Variants in DCC observed in about 807,000 individuals in gnomAD.
DCC encodes DCC netrin 1 receptor, also known as netrin receptor DCC.
In DCC, 58 loss-of-function variants were observed where a neutral mutation model predicts 172.5. The observed-to-expected ratio is 0.34, with a 90% CI of 0.27 to 0.42. The LOEUF (loss-of-function observed/expected upper bound fraction) is 0.42. Ranked by LOEUF, DCC falls within the 10% of genes least tolerant of loss-of-function variation. The pLI, the probability that DCC is intolerant of heterozygous loss-of-function variation, is 1.00. For synonymous variants in DCC, 709 were observed against 644.5 expected, an observed-to-expected ratio of 1.10 and a Z score of -1.52; for missense variants, 1,740 against 1,791.0, an observed-to-expected ratio of 0.97 and a Z score of 0.51.
chr18:52,505,929 A>G (rs1378137), intron 1 of DCC, among the ~76,000 whole-genome samples: 9,944 of 152,254 alleles, frequency 0.065, 380 homozygotes, highest in Middle Eastern at 0.11. Flanking sequence ...AAGGTCGTTT[A>G]TAAAAATCTG....
At chr18:52,448,962 G>A (rs1473187713) in intron 1 of DCC, among the ~76,000 whole-genome samples, 1 of 152,206 alleles carries the variant, frequency 6.6e-6, no homozygotes, top group Non-Finnish European at 1.5e-5. Context: ...TCATTCTCAT[G>A]CTGCTGATAA....
intron 1 of DCC, among the ~76,000 whole-genome samples, chr18:52,453,739 C>T (rs1428250178): frequency 5.3e-5 from 8 of 152,076 alleles, no homozygotes; most frequent in Admixed American, 5.2e-4. Flanking sequence ...TTTTTTTCCT[C>T]TAACATCTTG....
intron 1 of DCC, among the ~76,000 whole-genome samples, chr18:52,447,842 A>G (rs554735332): frequency 6.6e-6 from 1 of 152,262 alleles, no homozygotes; most frequent in Non-Finnish European, 1.5e-5. Context: ...TTGAGAGGAT[A>G]GTACCAAGGG....
intron 27 of DCC, among the ~76,000 whole-genome samples, chr18:53,508,085 G>C: frequency 6.6e-6 from 1 of 151,922 alleles, no homozygotes; most frequent in East Asian, 1.9e-4. Context: ...AGTAGAGACG[G>C]GGTTTCACCG....
intron 12 of DCC, among the ~76,000 whole-genome samples, chr18:53,296,054 A>G (rs2057063497): frequency 6.6e-6 from 1 of 152,198 alleles, no homozygotes; most frequent in Admixed American, 6.5e-5. Context: ...AGAAGTTACA[A>G]AAGTGTTGCT....
intron 7 of DCC, among the ~76,000 whole-genome samples, chr18:53,097,557 T>A (rs183146232): frequency 2.2e-3 from 337 of 152,284 alleles, no homozygotes; most frequent in Admixed American, 4.3e-3. Context: ...CATATTTGAT[T>A]TTCATACATC....
intron 2 of DCC, among the ~76,000 whole-genome samples, chr18:52,813,618 C>A (rs887299378): frequency 6.6e-6 from 1 of 152,136 alleles, no homozygotes; most frequent in Non-Finnish European, 1.5e-5. Flanking sequence ...ACACAGTGTG[C>A]CCAGATATTT....
At chr18:53,177,732 C>G (rs2055128963) in intron 8 of DCC, among the ~76,000 whole-genome samples, 1 of 152,128 alleles carries the variant, frequency 6.6e-6, no homozygotes, top group African/African-American at 2.4e-5. Flanking sequence ...ATCACATACA[C>G]TCAACCTCTT....
chr18:52,402,352 T>C (rs1032054201), intron 1 of DCC, among the ~76,000 whole-genome samples: 5 of 152,020 alleles, frequency 3.3e-5, no homozygotes, highest in African/African-American at 1.2e-4. Flanking sequence ...GAGTAAGTAA[T>C]GTGTAGACAT....
At chr18:53,139,574 C>T (rs2043799921) in intron 7 of DCC, among the ~76,000 whole-genome samples, 2 of 152,088 alleles carry the variant, frequency 1.3e-5, no homozygotes, top group African/African-American at 2.4e-5. Flanking sequence ...TGTGCACCTG[C>T]TATGAGTCAG....
At position 53,339,733 on chromosome 18, in the gene DCC, C is replaced by T; in HGVS notation, c.2185C>T (p.Pro729Ser). The change falls in exon 15 of 29, where the codon CCA becomes TCA. Residue 729 changes from proline (P) to serine (S), a missense_variant. Around this residue, in one of 2 missense-constraint regions of DCC, gnomAD observed 1,732 missense variants for 1,767.4 expected, o/e 0.98. Transcript: ENST00000442544. ...GCTAGAATCTCAAGTTCCTGATCAA[C>T]CAAGCTCTCTTCATGTGAGGCCCCA... ...DLDESQVPDQ[P>S]SSLHVRPQTN... The T allele has an allele frequency of 1.2e-6, 2 of 1,613,890 alleles. No homozygotes were observed. Among genetic ancestry groups the T allele is most frequent in the Non-Finnish European group, 1.7e-6 (2 of 1,179,912 alleles).
intron 1 of DCC, among the ~76,000 whole-genome samples, chr18:52,685,420 T>C (rs2035815124): frequency 6.6e-6 from 1 of 152,078 alleles, no homozygotes. Flanking sequence ...GTTTTGGATA[T>C]GGTTTGTCCC....
chr18:53,462,713 G>A (rs1182122757), intron 24 of DCC, among the ~76,000 whole-genome samples: 1 of 152,132 alleles, frequency 6.6e-6, no homozygotes, highest in Non-Finnish European at 1.5e-5. Flanking sequence ...GGTTGGGAAT[G>A]GCTGCTTTGT....
intron 8 of DCC, among the ~76,000 whole-genome samples, chr18:53,176,462 G>C (rs986605901): frequency 1.9e-3 from 280 of 148,940 alleles, no homozygotes; most frequent in Non-Finnish European, 3.2e-3. Flanking sequence ...TATCTACAAT[G>C]AACTCAAACA....
intron 8 of DCC, among the ~76,000 whole-genome samples, chr18:53,177,017 A>G (rs2055108176): frequency 6.6e-6 from 1 of 152,234 alleles, no homozygotes; most frequent in African/African-American, 2.4e-5. Flanking sequence ...TGATGAGTTC[A>G]TGTCCTTTGT....
At chr18:52,853,551 G>A (rs1402190274) in intron 2 of DCC, among the ~76,000 whole-genome samples, 1 of 152,218 alleles carries the variant, frequency 6.6e-6, no homozygotes, top group Non-Finnish European at 1.5e-5. Flanking sequence ...ATCCATGGTA[G>A]AGGTGAGGTT....
intron 7 of DCC, among the ~76,000 whole-genome samples, chr18:53,071,021 A>G (rs1017512340): frequency 2.0e-5 from 3 of 152,186 alleles, no homozygotes; most frequent in Admixed American, 1.3e-4. Flanking sequence ...TTTGAAGTAC[A>G]TTGTGGGCGT....
chr18:52,643,806 G>A (rs1016159679), intron 1 of DCC, among the ~76,000 whole-genome samples: 7 of 152,184 alleles, frequency 4.6e-5, no homozygotes, highest in Admixed American at 2.6e-4. Flanking sequence ...GCAAAGAGGA[G>A]AAGAAGAAGC....
chr18:53,078,460 G>T (rs1246957100), intron 7 of DCC, among the ~76,000 whole-genome samples: 2 of 151,800 alleles, frequency 1.3e-5, no homozygotes, highest in African/African-American at 4.8e-5. Context: ...CTATTTTTTG[G>T]GTTTGACCCT....
Sources: allele counts gnomAD v4.1 joint callset (sites outside exome capture counted in the v4.1 genomes callset), GRCh38; gene constraint gnomAD v4.1.1; regional missense constraint gnomAD v4.1.1; transcripts MANE v1.5; gene names NCBI Gene and HGNC (gene_info 2026-07-23, HGNC 2026-07-21).